Variants in OSBPL8 observed in about 807,000 individuals in gnomAD.
The protein encoded by OSBPL8 is oxysterol binding protein like 8.
Under a neutral mutation model 125.5 loss-of-function variants are expected in OSBPL8, and 59 were observed. The ratio of observed to expected loss-of-function variants is 0.47; its 90% CI spans 0.38 to 0.58. The LOEUF (loss-of-function observed/expected upper bound fraction) is 0.58. Among genes scored for constraint, OSBPL8 ranks in the 20% least tolerant of loss-of-function variants. OSBPL8 has a pLI of 0.00. For synonymous variants in OSBPL8, 330 were observed against 338.9 expected, an observed-to-expected ratio of 0.97 and a Z score of 0.29; for missense variants, 758 against 1,047.8, an observed-to-expected ratio of 0.72 and a Z score of 3.82.
At chr12:76,371,302 A>G (rs1337780029) in intron 19 of OSBPL8, 146 bp downstream of exon 19, 6 of 908,690 alleles carry the variant, frequency 6.6e-6, no homozygotes, top group Non-Finnish European at 7.6e-6. Flanking sequence ...CATATACACA[A>G]AAACAGAATA....
At chr12:76,359,106 T>A (rs1345021931) in intron 21 of OSBPL8, among the ~76,000 whole-genome samples, 1 of 152,238 alleles carries the variant, frequency 6.6e-6, no homozygotes, top group Non-Finnish European at 1.5e-5. Flanking sequence ...TCCAGGGATA[T>A]TATTATGTAT....
Position 76,522,750 on chromosome 12 carries a change from T to C in OSBPL8, c.-67-35132A>G, listed in dbSNP as rs186213186. On this transcript the variant is annotated intron_variant, in intron 1 of 23. Coordinates refer to ENST00000261183, the MANE Select transcript of OSBPL8 (RefSeq NM_020841.5). ...TCTTTTCTTTATAAATCACCCAGCCTCAAGCATTATTTTACAGAAACACAA... is the reference window on the plus strand; with the variant it reads ...TCTTTTCTTTATAAATCACCCAGCCCCAAGCATTATTTTACAGAAACACAA... 2.2e-3 allele frequency among the ~76,000 whole-genome samples: 336 copies of C among 152,310 alleles called. 3 individuals carry two copies. The highest frequency in any genetic ancestry group is 7.5e-3 in the African/African-American group (311 of 41,572).
intron 16 of OSBPL8, among the ~76,000 whole-genome samples, chr12:76,376,500 G>A (rs1952823365): frequency 6.6e-6 from 1 of 152,122 alleles, no homozygotes; most frequent in African/African-American, 2.4e-5. Flanking sequence ...ATGCTCATTC[G>A]CAAGTGGTTA....
At chr12:76,503,424 T>G (rs573427645) in intron 1 of OSBPL8, among the ~76,000 whole-genome samples, 1 of 152,378 alleles carries the variant, frequency 6.6e-6, no homozygotes, top group East Asian at 1.9e-4. Context: ...GACCTCATTT[T>G]AACTTAACTA....
At chr12:76,540,066 C>T (rs755940163) in intron 1 of OSBPL8, among the ~76,000 whole-genome samples, 1 of 152,122 alleles carries the variant, frequency 6.6e-6, no homozygotes, top group Admixed American at 6.5e-5. Context: ...CTTCCTCCCC[C>T]GATCATTGTG....
intron 5 of OSBPL8, among the ~76,000 whole-genome samples, chr12:76,406,074 T>C (rs1234491984): frequency 2.0e-5 from 3 of 152,232 alleles, no homozygotes; most frequent in Admixed American, 6.5e-5. Flanking sequence ...GGTTAAATGA[T>C]ACTTAAAGTG....
chr12:76,379,897 T>C (rs769674834), intron 15 of OSBPL8, among the ~76,000 whole-genome samples: 1 of 152,230 alleles, frequency 6.6e-6, no homozygotes, highest in African/African-American at 2.4e-5. Flanking sequence ...TCTGAGTTCA[T>C]GGTAAATGTA....
At chr12:76,381,951 T>G (rs1337346885) in intron 15 of OSBPL8, among the ~76,000 whole-genome samples, 2 of 152,154 alleles carry the variant, frequency 1.3e-5, no homozygotes, top group Non-Finnish European at 2.9e-5. Flanking sequence ...GCCTGGCTAG[T>G]ATTGAACTCC....
Position 76,516,510 on chromosome 12 carries a change from G to A in OSBPL8, c.-67-28892C>T, listed in dbSNP as rs536383482. Among the ~76,000 whole-genome samples, 11 of 152,246 alleles carry A rather than the reference G, an allele frequency of 7.2e-5. No individual in the cohort carries two copies. In the South Asian group the frequency reaches 1.0e-3, roughly 14 times the overall value. The stretch of plus-strand genomic sequence containing the variant: ...TAAGACAGACTAACCAGAGAAAAGC[G>A]TATGACCCTAGAAGGGTGGAGGAAA... On this transcript the variant is annotated intron_variant, in intron 1 of 23. Coordinates refer to ENST00000261183, the MANE Select transcript of OSBPL8 (RefSeq NM_020841.5).
chr12:76,423,946 A>C (rs1869825165), intron 4 of OSBPL8, among the ~76,000 whole-genome samples: 1 of 152,110 alleles, frequency 6.6e-6, no homozygotes, highest in South Asian at 2.1e-4. Flanking sequence ...CATATAATCT[A>C]AGACTTTGTC....
intron 4 of OSBPL8, among the ~76,000 whole-genome samples, chr12:76,449,850 A>T (rs1333238614): frequency 2.6e-5 from 4 of 152,232 alleles, no homozygotes; most frequent in Non-Finnish European, 5.9e-5. Flanking sequence ...TTAACAGAGT[A>T]TGAAAAGTGT....
intron 1 of OSBPL8, among the ~76,000 whole-genome samples, chr12:76,499,072 G>A (rs1053729576): frequency 2.6e-5 from 4 of 152,050 alleles, no homozygotes; most frequent in Admixed American, 6.6e-5. Context: ...TTAATCTGGT[G>A]GGCATAATCT....
chr12:76,386,754 G>T, intron 12 of OSBPL8, 94 bp from the exon 13 acceptor site: 1 of 783,500 alleles, frequency 1.3e-6, no homozygotes, highest in Non-Finnish European at 2.0e-6. Context: ...AAACATGATT[G>T]GAAAACATAA....
At chr12:76,556,392 C>T (rs1592918116) in intron 1 of OSBPL8, among the ~76,000 whole-genome samples, 1 of 152,122 alleles carries the variant, frequency 6.6e-6, no homozygotes, top group East Asian at 1.9e-4. Flanking sequence ...AAGAAAAATT[C>T]CTTCTATCAC....
chr12:76,383,658 T>C (rs926926414), intron 15 of OSBPL8, among the ~76,000 whole-genome samples: 4 of 152,216 alleles, frequency 2.6e-5, no homozygotes, highest in African/African-American at 4.8e-5. Flanking sequence ...TTCTTCTTCA[T>C]TTAAATATTT....
Position 76,352,579 on chromosome 12 carries a change from C to G in OSBPL8, c.*3310G>C, listed in dbSNP as rs1051162493. ...ACTGATTTCTGTGGGATTTTCCCCA[C>G]TGGTTCAAATTGGAAAATTTGATAT... On this transcript the variant is annotated 3_prime_UTR_variant, in exon 24 of 24. Coordinates refer to ENST00000261183, the MANE Select transcript of OSBPL8 (RefSeq NM_020841.5). 2 of 152,476 alleles carry G rather than the reference C, an allele frequency of 1.3e-5. No individual in the cohort carries two copies. Among genetic ancestry groups the G allele is most frequent in the Non-Finnish European group, 1.5e-5 (1 of 67,928 alleles). The allele number at this position is 152,476 out of a possible 1,614,324, so 9.4% of individuals were successfully genotyped here.
chr12:76,425,772 G>T (rs540446594), intron 4 of OSBPL8, among the ~76,000 whole-genome samples: 14 of 152,232 alleles, frequency 9.2e-5, no homozygotes, highest in African/African-American at 3.4e-4. Context: ...GGTTGAACAT[G>T]GTGAACTAAA....
intron 21 of OSBPL8, among the ~76,000 whole-genome samples, chr12:76,364,084 A>G (rs1592524136): frequency 6.6e-6 from 1 of 152,336 alleles, no homozygotes; most frequent in East Asian, 1.9e-4. Flanking sequence ...ATTGTGGAAG[A>G]CAGTGTGGTG....
intron 4 of OSBPL8, among the ~76,000 whole-genome samples, chr12:76,422,222 C>T (rs1205854256): frequency 2.0e-5 from 3 of 152,022 alleles, no homozygotes; most frequent in African/African-American, 7.2e-5. Context: ...TCTAGAAGGG[C>T]TTTAATTTTA....
Sources: gnomAD v4.1 joint callset for allele counts (sites outside exome capture counted in the v4.1 genomes callset) on GRCh38, gnomAD v4.1.1 for gene constraint, MANE v1.5 for transcripts, NCBI Gene and HGNC (gene_info 2026-07-23, HGNC 2026-07-21) for gene names.